Variants in IGF2BP3 observed in about 807,000 individuals in gnomAD.
IGF2BP3 encodes the protein insulin-like growth factor 2 mRNA-binding protein 3.
IGF2BP3 carries 9 observed loss-of-function variants against 73.8 expected under a neutral mutation model. That is an observed-to-expected ratio of 0.12 (90% CI 0.07 to 0.21). The LOEUF is 0.21. Among genes scored for constraint, IGF2BP3 ranks in the 10% least tolerant of loss-of-function variants. IGF2BP3 has a pLI of 1.00. For synonymous variants in IGF2BP3, 258 were observed against 256.7 expected (o/e 1.01, Z -0.05); for missense variants, 542 against 714.0 (o/e 0.76, Z 2.75).
intron 2 of IGF2BP3, among the ~76,000 whole-genome samples, chr7:23,451,784 C>T (rs1788204181): frequency 6.6e-6 from 1 of 151,272 alleles, no homozygotes. Context: ...CCCTGTCCTA[C>T]TGAAAATACA....
intron 12 of IGF2BP3, among the ~76,000 whole-genome samples, chr7:23,316,742 C>A (rs1163784930): frequency 6.7e-6 from 1 of 148,508 alleles, no homozygotes; most frequent in Admixed American, 6.7e-5. Context: ...TCTTCTTACA[C>A]AGCCACTAAA....
At chr7:23,333,385 T>C (rs1784490175) in intron 10 of IGF2BP3, among the ~76,000 whole-genome samples, 1 of 152,232 alleles carries the variant, frequency 6.6e-6, no homozygotes, top group African/African-American at 2.4e-5. Context: ...AGTGAAAGCC[T>C]GGCCCGAACA....
rs546939569 is a variant in IGF2BP3, at chr7:23,370,127, T to C, written c.286-8386A>G. Reference sequence around the variant, plus strand: ...ATATATCCAACATACTTCCCACACCTATGCTCTAGTCACGCCCTCAAAACT... The same window carrying C: ...ATATATCCAACATACTTCCCACACCCATGCTCTAGTCACGCCCTCAAAACT... On this transcript the variant is annotated intron_variant, in intron 3 of 14. Transcript: ENST00000258729. Among the ~76,000 whole-genome samples the C allele has an allele frequency of 3.9e-5, 6 of 152,298 alleles. No individual in the cohort carries two copies. The East Asian group carries it at 1.2e-3, about 29-fold the overall frequency.
At chr7:23,432,349 A>C (rs1248034369) in intron 2 of IGF2BP3, among the ~76,000 whole-genome samples, 1 of 152,230 alleles carries the variant, frequency 6.6e-6, no homozygotes, top group Non-Finnish European at 1.5e-5. Flanking sequence ...TTCCTTGAAG[A>C]AACATAGTCA....
intron 2 of IGF2BP3, among the ~76,000 whole-genome samples, chr7:23,455,447 C>A (rs1408024607): frequency 7.2e-5 from 11 of 152,202 alleles, no homozygotes; most frequent in Non-Finnish European, 4.4e-5. Context: ...ATGTATTTCT[C>A]ACTGGTAACA....
intron 2 of IGF2BP3, among the ~76,000 whole-genome samples, chr7:23,459,033 G>A (rs1449978382): frequency 6.6e-6 from 1 of 152,158 alleles, no homozygotes; most frequent in African/African-American, 2.4e-5. Flanking sequence ...AGGGTTCTAT[G>A]GAGAATCCTT....
intron 3 of IGF2BP3, among the ~76,000 whole-genome samples, chr7:23,367,653 C>T (rs1167679819): frequency 2.6e-5 from 4 of 151,976 alleles, no homozygotes; most frequent in South Asian, 2.1e-4. Context: ...AGAATTCCCC[C>T]GTTATGTATT....
chr7:23,343,308 C>G lies in IGF2BP3; in HGVS notation c.1077+410G>C, dbSNP rs538420210. Among the ~76,000 whole-genome samples the G allele has an allele frequency of 2.2e-4, 34 of 152,264 alleles. 1 individual carries two copies. Among genetic ancestry groups the G allele is most frequent in the African/African-American group, 5.5e-4 (23 of 41,542 alleles). On this transcript the variant is annotated intron_variant, in intron 9 of 14. Coordinates refer to ENST00000258729, the MANE Select transcript of IGF2BP3 (RefSeq NM_006547.3). ...CCATTTTACAGATGAGTAAACTGAGCCTCAGAGAGACTGAGTAAATCATAT... is the reference window on the plus strand; with the variant it reads ...CCATTTTACAGATGAGTAAACTGAGGCTCAGAGAGACTGAGTAAATCATAT...
chr7:23,324,982 A>T (rs1784255066), intron 10 of IGF2BP3, among the ~76,000 whole-genome samples: 1 of 150,574 alleles, frequency 6.6e-6, no homozygotes, highest in African/African-American at 2.5e-5. Flanking sequence ...ATGGGCAAAA[A>T]CTGGAAGCAT....
chr7:23,370,412 G>A (rs1785508537), intron 3 of IGF2BP3, among the ~76,000 whole-genome samples: 1 of 152,088 alleles, frequency 6.6e-6, no homozygotes, highest in Non-Finnish European at 1.5e-5. Flanking sequence ...TTTGCCTTAT[G>A]TGTTTCAGAA....
At chr7:23,375,609 A>G (rs1785692932) in intron 3 of IGF2BP3, among the ~76,000 whole-genome samples, 1 of 152,248 alleles carries the variant, frequency 6.6e-6, no homozygotes, top group South Asian at 2.1e-4. Context: ...ACAGCAGTTC[A>G]GAACAAAGCC....
intron 2 of IGF2BP3, among the ~76,000 whole-genome samples, chr7:23,419,788 G>A (rs760436382): frequency 1.6e-4 from 24 of 152,218 alleles, no homozygotes; most frequent in Non-Finnish European, 2.5e-4. Flanking sequence ...GGGAGGCGGA[G>A]GTTGCGGTAA....
chr7:23,417,354 A>G (rs1443420837), intron 3 of IGF2BP3, among the ~76,000 whole-genome samples: 1 of 152,214 alleles, frequency 6.6e-6, no homozygotes, highest in Non-Finnish European at 1.5e-5. Context: ...GAAAACAGAG[A>G]TAATCCACTA....
intron 3 of IGF2BP3, among the ~76,000 whole-genome samples, chr7:23,382,804 G>A (rs1050213165): frequency 3.3e-5 from 5 of 149,348 alleles, no homozygotes; most frequent in African/African-American, 4.9e-5. Flanking sequence ...AGAGGCCAAC[G>A]CAGGGGTGGA....
rs1272263833 is a variant in IGF2BP3 at position 23,470,442 on chromosome 7, C to G, written c.-332G>C. On this transcript the variant is annotated 5_prime_UTR_variant, in exon 1 of 15. Transcript: ENST00000258729. The stretch of plus-strand genomic sequence containing the variant: ...GGGAAAAAACTACTTTTTGTCTCTT[C>G]CTTCCCAACCCCTTTGGCTTCGGCC... 1 of 162,204 alleles carries G rather than the reference C, an allele frequency of 6.2e-6. No individual in the cohort carries two copies. The highest frequency in any genetic ancestry group is 1.3e-5 in the Non-Finnish European group (1 of 74,888). 10.0% of individuals were successfully genotyped at this position (162,204 alleles called of 1,614,324 possible). A position where few individuals can be genotyped will look rare whatever the true frequency, so the allele number is the denominator to read the frequency against.
intron 6 of IGF2BP3, 30 bp from the exon 7 acceptor site, chr7:23,347,764 C>A (rs542293325): frequency 9.3e-6 from 15 of 1,613,598 alleles, no homozygotes; most frequent in Non-Finnish European, 1.1e-5. Flanking sequence ...GAGAGGAAAA[C>A]GAGAGCAGTA....
At chr7:23,414,507 G>A (rs1006137399) in intron 3 of IGF2BP3, 1 of 152,200 alleles carries the variant, frequency 6.6e-6, no homozygotes, top group Admixed American at 6.5e-5. Context: ...CTTACAAGAT[G>A]ACTCCTAGAA....
intron 13 of IGF2BP3, 110 bp from the exon 14 acceptor site, chr7:23,312,958 T>A: frequency 1.6e-6 from 1 of 644,930 alleles, no homozygotes; most frequent in Non-Finnish European, 2.7e-6. Context: ...AAATTTCATT[T>A]AATCCAGTGG....
intron 3 of IGF2BP3, among the ~76,000 whole-genome samples, chr7:23,377,119 CTG>C (rs1488276030): frequency 2.6e-5 from 4 of 151,670 alleles, no homozygotes; most frequent in Admixed American, 1.3e-4. Flanking sequence ...AAAAAAAAAA[CTG>C]TGCTAAAAAG....
Sources: allele counts gnomAD v4.1 joint callset (sites outside exome capture counted in the v4.1 genomes callset), GRCh38; gene constraint gnomAD v4.1.1; transcripts MANE v1.5; gene names NCBI Gene and HGNC (gene_info 2026-07-23, HGNC 2026-07-21).